The following SORCS2 variants were observed in gnomAD, a reference collection of about 807,000 sequenced individuals.
SORCS2 encodes the protein sortilin related VPS10 domain containing receptor 2.
Under a neutral mutation model 141.6 loss-of-function variants are expected in SORCS2, and 100 were observed. That is an observed-to-expected ratio of 0.71 (90% confidence interval 0.60 to 0.83). SORCS2 has a LOEUF of 0.83. SORCS2 is among the 40% of genes least tolerant of loss of function. The pLI is 0.00. For missense variants in SORCS2, 1,646 were observed against 1,560.2 expected (o/e 1.05, Z -0.93); for synonymous variants, 789 against 676.9 (o/e 1.17, Z -2.57).
At chr4:7,214,876 T>C (rs539866963) in intron 1 of SORCS2, among the ~76,000 whole-genome samples, 24 of 152,358 alleles carry the variant, frequency 1.6e-4, no homozygotes, top group Non-Finnish European at 2.9e-4. Context: ...GTTCTGCTCA[T>C]GGACTTGAGG....
At chr4:7,587,555 G>T (rs1437950852) in intron 3 of SORCS2, among the ~76,000 whole-genome samples, 1 of 152,220 alleles carries the variant, frequency 6.6e-6, no homozygotes, top group East Asian at 1.9e-4. Flanking sequence ...TAGGCCCAAG[G>T]CAGGCCCAGG....
rs377743053 is a variant in SORCS2, at chr4:7,664,077, C to T, written c.953-276C>T. Among the ~76,000 whole-genome samples, 293 of 152,280 alleles carry T rather than the reference C, an allele frequency of 1.9e-3. No individual in the cohort carries two copies. Among genetic ancestry groups the T allele is most frequent in the African/African-American group, 6.5e-3 (271 of 41,568 alleles). ...CTGGGTGTGGCGAGGTACCCACCGT[C>T]GCCTGTGCTGACCCCTCCTGCAGGG... On this transcript the variant is annotated intron_variant, in intron 6 of 26. Transcript: ENST00000507866. The surrounding 1 kb of genome is among the most constrained non-coding windows in gnomAD (Gnocchi z 4.7).
chr4:7,483,345 G>A (rs574580998), intron 2 of SORCS2, among the ~76,000 whole-genome samples: 23 of 147,150 alleles, frequency 1.6e-4, no homozygotes, highest in Non-Finnish European at 3.0e-4. Flanking sequence ...AAAAAAGACA[G>A]TGAGGAGAAA....
chr4:7,561,147 C>T (rs1714511441), intron 3 of SORCS2, among the ~76,000 whole-genome samples: 1 of 152,190 alleles, frequency 6.6e-6, no homozygotes, highest in South Asian at 2.1e-4. Flanking sequence ...TAGAGTCCTA[C>T]TCAGTATAGA....
intron 1 of SORCS2, among the ~76,000 whole-genome samples, chr4:7,390,599 T>C (rs1723796467): frequency 6.6e-6 from 1 of 152,130 alleles, no homozygotes; most frequent in South Asian, 2.1e-4. Context: ...CCCGGGGCCA[T>C]TGCCGTGCTG....
chr4:7,453,736 C>T lies in SORCS2; in HGVS notation c.548+57381C>T, dbSNP rs3888319. ...TCAGGCACTGTGTTGGGGTCAGGAGCTGTGTGTTGGGGTCAGGAGCTGTGT... is the reference window on the plus strand; with the variant it reads ...TCAGGCACTGTGTTGGGGTCAGGAGTTGTGTGTTGGGGTCAGGAGCTGTGT... On this transcript the variant is annotated intron_variant, in intron 2 of 26. Coordinates refer to ENST00000507866, the MANE Select transcript of SORCS2 (RefSeq NM_020777.3). Among the ~76,000 whole-genome samples, 144 of 118,004 alleles carry T rather than the reference C, an allele frequency of 1.2e-3. 2 individuals carry two copies. Among genetic ancestry groups the T allele is most frequent in the Admixed American group, 8.0e-3 (92 of 11,480 alleles). 77.4% of individuals were successfully genotyped at this position (118,004 alleles called of 152,430 possible).
At chr4:7,325,900 C>T (rs1025433349) in intron 1 of SORCS2, among the ~76,000 whole-genome samples, 2 of 151,992 alleles carry the variant, frequency 1.3e-5, no homozygotes, top group Admixed American at 1.3e-4. Context: ...GCGGGCGGGG[C>T]GGAGTTGGGG....
chr4:7,252,064 C>T lies in SORCS2; in HGVS notation c.480+58938C>T, dbSNP rs61015938. Among the ~76,000 whole-genome samples, 1,381 of 152,276 alleles carry T rather than the reference C, an allele frequency of 9.1e-3. 17 individuals are homozygous for T. The highest frequency in any genetic ancestry group is 0.031 in the African/African-American group (1,287 of 41,544). On this transcript the variant is annotated intron_variant, in intron 1 of 26. Coordinates refer to ENST00000507866, the MANE Select transcript of SORCS2 (RefSeq NM_020777.3). ...GGTGGAAAAGGGTCTGGGAAGGCCT[C>T]GAGTCACTCAACTCCCTGACCCCTG...
chr4:7,513,420 T>C (rs1051886315), intron 2 of SORCS2, among the ~76,000 whole-genome samples: 2 of 152,178 alleles, frequency 1.3e-5, no homozygotes, highest in African/African-American at 4.8e-5. Context: ...GAGTGAGGGC[T>C]TGGCAGGGCC....
At chr4:7,282,960 AATTC>A (rs1362911843) in intron 1 of SORCS2, among the ~76,000 whole-genome samples, 4 of 152,188 alleles carry the variant, frequency 2.6e-5, no homozygotes, top group South Asian at 2.1e-4. Flanking sequence ...CACACTCATT[AATTC>A]ATTCATTCAC....
rs1482277132 is a variant in SORCS2 at position 7,193,997 on chromosome 4, C to T, written c.480+871C>T. 6.6e-6 allele frequency among the ~76,000 whole-genome samples: 1 copy of T among 152,148 alleles called. No individual in the cohort carries two copies. The highest frequency in any genetic ancestry group is 1.9e-4 in the East Asian group (1 of 5,166). On this transcript the variant is annotated intron_variant, in intron 1 of 26. Coordinates refer to ENST00000507866, the MANE Select transcript of SORCS2 (RefSeq NM_020777.3). The surrounding 1 kb of genome is among the most constrained non-coding windows in gnomAD (Gnocchi z 4.8). ...TAGATTATTCCCCTGGGGGCTGCCT[C>T]AACCTCACTCCCCACTTCCCCCCAC...
At chr4:7,413,489 G>A (rs1725459818) in intron 2 of SORCS2, among the ~76,000 whole-genome samples, 1 of 146,014 alleles carries the variant, frequency 6.8e-6, no homozygotes, top group Non-Finnish European at 1.5e-5. Flanking sequence ...CACCTCCTGG[G>A]TTCAAGTGAT....
chr4:7,362,625 C>T (rs184031961), intron 1 of SORCS2, among the ~76,000 whole-genome samples: 2 of 152,040 alleles, frequency 1.3e-5, no homozygotes, highest in East Asian at 3.9e-4. Context: ...CCAGGGGGAA[C>T]CTGACCAGGG....
chr4:7,617,410 T>C (rs184090866), intron 3 of SORCS2, among the ~76,000 whole-genome samples: 8 of 152,172 alleles, frequency 5.3e-5, no homozygotes, highest in African/African-American at 1.9e-4. Context: ...CTTCCATCCA[T>C]CCAGAAAGGC....
chr4:7,671,342 GA>G (rs75071426), intron 8 of SORCS2, among the ~76,000 whole-genome samples: 37,040 of 147,850 alleles, frequency 0.25, 6,411 homozygotes, highest in African/African-American at 0.49. Context: ...GCATTCAAAA[GA>G]AAAAAAAAAT....
chr4:7,354,619 A>G (rs550430903), intron 1 of SORCS2, among the ~76,000 whole-genome samples: 69 of 152,292 alleles, frequency 4.5e-4, no homozygotes, highest in African/African-American at 1.6e-3. Flanking sequence ...ACCAGAGGCC[A>G]TCTGGGAGCT....
intron 1 of SORCS2, among the ~76,000 whole-genome samples, chr4:7,194,558 T>G (rs1475179411): frequency 6.6e-6 from 1 of 152,120 alleles, no homozygotes; most frequent in Non-Finnish European, 1.5e-5. Context: ...CCAGCCTGAC[T>G]AGCAGCCCTT....
In SORCS2 at chr4:7,663,552, C is replaced by T. The variant is rs929279038; in HGVS notation, c.953-801C>T. Among the ~76,000 whole-genome samples, 2 of 152,252 alleles carry T rather than the reference C, an allele frequency of 1.3e-5. No individual in the cohort carries two copies. Among genetic ancestry groups the T allele is most frequent in the African/African-American group, 2.4e-5 (1 of 41,462 alleles). On this transcript the variant is annotated intron_variant, in intron 6 of 26. Transcript: ENST00000507866. The surrounding 1 kb of genome is among the most constrained non-coding windows in gnomAD (Gnocchi z 4.8). The stretch of plus-strand genomic sequence containing the variant: ...CTGCTGCCCACGTACCCTCTGTGTA[C>T]ACTGCCTTCTGCCTCCTCTGAACAG...
chr4:7,367,412 A>G (rs1404066947), intron 1 of SORCS2, among the ~76,000 whole-genome samples: 2 of 152,182 alleles, frequency 1.3e-5, no homozygotes, highest in African/African-American at 4.8e-5. Context: ...TAAGTCATGT[A>G]ATGTCTCTGA....
Sources: gnomAD v4.1 joint callset for allele counts (sites outside exome capture counted in the v4.1 genomes callset) on GRCh38, gnomAD v4.1.1 for gene constraint, Gnocchi (gnomAD v3.1) non-coding constraint, MANE v1.5 for transcripts, NCBI Gene and HGNC (gene_info 2026-07-23, HGNC 2026-07-21) for gene names.